Variants in TCF7L2 observed in about 807,000 individuals in gnomAD.
The protein encoded by TCF7L2 is transcription factor 7-like 2.
TCF7L2 carries 23 observed loss-of-function variants against 77.9 expected under a neutral mutation model. The observed-to-expected ratio is 0.30, with a 90% CI of 0.21 to 0.42. The LOEUF (loss-of-function observed/expected upper bound fraction) is 0.42, where lower values mean the gene tolerates loss of function less well. Among genes scored for constraint, TCF7L2 ranks in the 10% least tolerant of loss-of-function variants. TCF7L2 has a pLI of 1.00. For synonymous variants in TCF7L2, 413 were observed against 340.2 expected (o/e 1.21, Z -2.36); for missense variants, 654 against 793.1 (o/e 0.82, Z 2.11).
chr10:113,145,940 C>A, intron 7 of TCF7L2, 71 bp from the exon 8 acceptor site: 3 of 1,337,028 alleles, frequency 2.2e-6, no homozygotes, highest in South Asian at 2.4e-5. Flanking sequence ...GAACTTTTCC[C>A]TTTTCTTCTT....
At chr10:113,090,930 C>T (rs1351518973) in intron 5 of TCF7L2, among the ~76,000 whole-genome samples, 4 of 151,862 alleles carry the variant, frequency 2.6e-5, no homozygotes, top group Admixed American at 1.3e-4. Context: ...TATTTTGAGA[C>T]GGAGTCTTGC....
At chr10:113,145,570 C>G (rs1379363352) in intron 7 of TCF7L2, among the ~76,000 whole-genome samples, 1 of 152,166 alleles carries the variant, frequency 6.6e-6, no homozygotes, top group Non-Finnish European at 1.5e-5. Context: ...TGTTTTCTCA[C>G]CGAGATCTAA....
chr10:113,132,803 A>C (rs1181906747), intron 5 of TCF7L2: 1 of 152,168 alleles, frequency 6.6e-6, no homozygotes, highest in Non-Finnish European at 1.5e-5. Context: ...GGAGGTTGCA[A>C]ATTCCTGGGA....
At chr10:113,080,583 T>A (rs1460369438) in intron 5 of TCF7L2, among the ~76,000 whole-genome samples, 2 of 152,216 alleles carry the variant, frequency 1.3e-5, no homozygotes, top group African/African-American at 4.8e-5. Context: ...TGTTCTTGAA[T>A]ATTTATATCT....
chr10:113,161,607 G>C, intron 13 of TCF7L2: 1 of 1,536,088 alleles, frequency 6.5e-7, no homozygotes, highest in South Asian at 1.2e-5. Context: ...TACAATGGTA[G>C]GTATTTCAAC....
At chr10:113,157,180 A>T (rs147584806) in intron 11 of TCF7L2, among the ~76,000 whole-genome samples, 207 of 152,328 alleles carry the variant, frequency 1.4e-3, no homozygotes, top group African/African-American at 4.7e-3. Context: ...ATGCAGTAGC[A>T]TGATCTCGGC....
chr10:113,010,872 C>G (rs529549801), intron 4 of TCF7L2, among the ~76,000 whole-genome samples: 1 of 152,006 alleles, frequency 6.6e-6, no homozygotes, highest in Non-Finnish European at 1.5e-5. Context: ...AAATATTAGC[C>G]GGGCCTGGTG....
At chr10:113,117,376 T>C (rs11816733) in intron 5 of TCF7L2, among the ~76,000 whole-genome samples, 2,354 of 16,488 alleles carry the variant, frequency 0.14, 76 homozygotes, top group African/African-American at 0.24. Context: ...TCTCTCTCTC[T>C]CTCTCTCTCT....
At chr10:112,975,512 C>T (rs1178413408) in intron 4 of TCF7L2, among the ~76,000 whole-genome samples, 1 of 152,090 alleles carries the variant, frequency 6.6e-6, no homozygotes, top group African/African-American at 2.4e-5. Context: ...ACAAGAGTCT[C>T]ACTCTATTGC....
At chr10:112,995,564 C>A (rs1316939682) in intron 4 of TCF7L2, among the ~76,000 whole-genome samples, 2 of 152,142 alleles carry the variant, frequency 1.3e-5, no homozygotes, top group African/African-American at 4.8e-5. Context: ...TCAGGCGAGT[C>A]ACCCCACATC....
At chr10:113,164,903 A>G (rs1252554588) in intron 13 of TCF7L2, among the ~76,000 whole-genome samples, 4 of 152,206 alleles carry the variant, frequency 2.6e-5, no homozygotes, top group Non-Finnish European at 4.4e-5. Context: ...TCTGGGCGCC[A>G]GCAGCCTCAT....
chr10:113,059,520 C>G (rs982579797), intron 5 of TCF7L2, among the ~76,000 whole-genome samples: 3 of 151,886 alleles, frequency 2.0e-5, no homozygotes, highest in Non-Finnish European at 4.4e-5. Flanking sequence ...AAACAGACAC[C>G]GAAGCTTTAA....
At chr10:112,968,346 AC>A (rs1244330617) in intron 4 of TCF7L2, among the ~76,000 whole-genome samples, 1 of 152,134 alleles carries the variant, frequency 6.6e-6, no homozygotes, top group East Asian at 1.9e-4. Context: ...CATCCCAAAG[AC>A]GGCAAGGATG....
intron 5 of TCF7L2, among the ~76,000 whole-genome samples, chr10:113,098,606 T>G (rs2061314948): frequency 6.6e-6 from 1 of 152,094 alleles, no homozygotes; most frequent in African/African-American, 2.4e-5. Flanking sequence ...CTCAGGAGGC[T>G]GAGGCAGGAG....
chr10:113,124,782 AT>A (rs2065313083), intron 5 of TCF7L2, among the ~76,000 whole-genome samples: 1 of 151,542 alleles, frequency 6.6e-6, no homozygotes, highest in East Asian at 1.9e-4. Context: ...TACTGGGCTG[AT>A]TGCGCAGTTC....
intron 5 of TCF7L2, among the ~76,000 whole-genome samples, chr10:113,098,640 T>C (rs2061318509): frequency 6.6e-6 from 1 of 151,908 alleles, no homozygotes; most frequent in Non-Finnish European, 1.5e-5. Context: ...TGGGAGGCAG[T>C]GGTTGCAGTG....
At chr10:113,154,229 C>T (rs2071372102) in intron 11 of TCF7L2, among the ~76,000 whole-genome samples, 1 of 152,136 alleles carries the variant, frequency 6.6e-6, no homozygotes, top group African/African-American at 2.4e-5. Context: ...CCCACCTGAC[C>T]CTGAGGTGGA....
chr10:113,152,819 C>T (rs1285108230), intron 11 of TCF7L2, among the ~76,000 whole-genome samples: 2 of 152,120 alleles, frequency 1.3e-5, no homozygotes, highest in African/African-American at 4.8e-5. Context: ...AGTGGTGTGG[C>T]CTTCTAGGGA....
intron 4 of TCF7L2, among the ~76,000 whole-genome samples, chr10:112,976,712 A>G (rs1242789063): frequency 1.3e-5 from 2 of 152,222 alleles, no homozygotes; most frequent in African/African-American, 2.4e-5. Context: ...TTATAATATG[A>G]AAGACCAAAA....
Sources: allele counts gnomAD v4.1 joint callset (sites outside exome capture counted in the v4.1 genomes callset), GRCh38; gene constraint gnomAD v4.1.1; transcripts MANE v1.5; gene names NCBI Gene and HGNC (gene_info 2026-07-23, HGNC 2026-07-21).